ITSN1: variants seen among roughly 807,000 people sequenced by gnomAD.
ITSN1 encodes intersectin-1.
A neutral mutation model predicts 239.8 loss-of-function variants in ITSN1; 58 were observed. That is an observed-to-expected ratio of 0.24 (90% CI 0.20 to 0.30). ITSN1 has a LOEUF of 0.30. ITSN1 is among the 10% of genes least tolerant of loss of function. The pLI is 1.00. For synonymous variants in ITSN1, 780 were observed against 770.8 expected, an observed-to-expected ratio of 1.01 and a Z score of -0.20; for missense variants, 1,558 against 2,103.3, an observed-to-expected ratio of 0.74 and a Z score of 5.07.
chr21:33,837,865 C>T lies in ITSN1; in HGVS notation c.3661+1233C>T, dbSNP rs2148416375. The T allele has an allele frequency of 3.0e-6, 3 of 985,854 alleles. No individual in the cohort carries two copies. In the South Asian group the frequency reaches 1.4e-4, roughly 46 times the overall value. 61.1% of individuals were successfully genotyped at this position (985,854 alleles called of 1,614,324 possible). A position where few individuals can be genotyped will look rare whatever the true frequency, so the allele number is the denominator to read the frequency against. On this transcript the variant is annotated intron_variant, in intron 29 of 39. Transcript: ENST00000381318. ...TTTGCGTGTTTGCATAGCATAAAATCAGTAGACAACACCACTGAGGTCGTT... is the reference window on the plus strand; with the variant it reads ...TTTGCGTGTTTGCATAGCATAAAATTAGTAGACAACACCACTGAGGTCGTT...
chr21:33,643,067 C>G (rs1024575156), intron 1 of ITSN1, among the ~76,000 whole-genome samples: 30 of 150,386 alleles, frequency 2.0e-4, no homozygotes, highest in African/African-American at 7.3e-4. Flanking sequence ...CCCCGGGCGG[C>G]CGCTCCTTCC....
intron 20 of ITSN1, 144 bp downstream of exon 20, chr21:33,802,588 C>CT (rs979916309): frequency 8.4e-5 from 59 of 700,594 alleles, no homozygotes; most frequent in Non-Finnish European, 1.2e-4. Flanking sequence ...GTAGGTTGTG[C>CT]TTTTTAAAAA....
intron 20 of ITSN1, among the ~76,000 whole-genome samples, chr21:33,803,370 G>A (rs1242071859): frequency 6.6e-6 from 1 of 152,118 alleles, no homozygotes; most frequent in East Asian, 1.9e-4. Flanking sequence ...ACAAATATGT[G>A]TGTACATGGA....
intron 1 of ITSN1, among the ~76,000 whole-genome samples, chr21:33,693,429 T>C (rs780267680): frequency 6.6e-6 from 1 of 151,796 alleles, no homozygotes; most frequent in Non-Finnish European, 1.5e-5. Flanking sequence ...TGATCTCGGC[T>C]CACTGCAACC....
chr21:33,849,603 A>G (rs2148456489), intron 29 of ITSN1, among the ~76,000 whole-genome samples: 1 of 151,866 alleles, frequency 6.6e-6, no homozygotes, highest in African/African-American at 2.4e-5. Flanking sequence ...ATTTGATACC[A>G]CAACAGAGCA....
intron 1 of ITSN1, among the ~76,000 whole-genome samples, chr21:33,673,759 G>T (rs1171465142): frequency 6.6e-6 from 1 of 152,182 alleles, no homozygotes; most frequent in African/African-American, 2.4e-5. Context: ...ACCAGCTCAG[G>T]ACCTGGCTCA....
rs754605985 is a variant in ITSN1, at chr21:33,823,548, G to A, written c.3078G>A (p.Gly1026=). ...AAGGAGATTTAACCTTTCAGCAAGGGGATGTGATTTTGGTTACCAAGAAAG... is the reference window on the plus strand; with the variant it reads ...AAGGAGATTTAACCTTTCAGCAAGGAGATGTGATTTTGGTTACCAAGAAAG... ...SEQGDLTFQQ[G]DVILVTKKDG... is the part of the protein sequence containing the mutation. Residue 1026 remains glycine, a synonymous_variant, in exon 25 of 40, where the codon GGG becomes GGA. Coordinates refer to ENST00000381318, the MANE Select transcript of ITSN1 (RefSeq NM_003024.3). The A allele has an allele frequency of 5.6e-6, 9 of 1,614,110 alleles. No individual in the cohort carries two copies. In the South Asian group the frequency reaches 8.8e-5, roughly 16 times the overall value.
chr21:33,876,759 A>G (rs9978864), intron 34 of ITSN1, among the ~76,000 whole-genome samples: 89,123 of 151,940 alleles, frequency 0.59, 27,118 homozygotes, highest in African/African-American at 0.76. Context: ...AGCTGGGTGC[A>G]GTGGTTCACA....
chr21:33,876,173 CT>C (rs1983820823), intron 34 of ITSN1, among the ~76,000 whole-genome samples: 8 of 132,724 alleles, frequency 6.0e-5, no homozygotes, highest in African/African-American at 2.3e-4. Context: ...CTCTTTCTTT[CT>C]TTCCTTCCTT....
At chr21:33,701,999 C>T (rs574304075) in intron 1 of ITSN1, among the ~76,000 whole-genome samples, 1 of 150,496 alleles carries the variant, frequency 6.6e-6, no homozygotes, top group East Asian at 2.0e-4. Flanking sequence ...ACCTGGAGGG[C>T]GGATGTTGCA....
chr21:33,755,388 C>G lies in ITSN1; in HGVS notation c.715C>G (p.His239Asp). The change falls in exon 8 of 40, where the codon CAC becomes GAC. Residue 239 changes from histidine (H) to aspartate (D), a missense_variant. His to Asp is a moderately conservative substitution (Grantham distance 81, BLOSUM62 -1). Transcript: ENST00000381318. ...TAGTCATGACAAAACTATGAGTGGACACTTAACAGGTATTTACAAATAAAA... is the reference window on the plus strand; with the variant it reads ...TAGTCATGACAAAACTATGAGTGGAGACTTAACAGGTATTTACAAATAAAA... ...FNSHDKTMSG[H>D]LTGPQARTIL... 6.5e-7 allele frequency: 1 copy of G among 1,536,528 alleles called. No homozygotes were observed. The highest frequency in any genetic ancestry group is 9.0e-7 in the Non-Finnish European group (1 of 1,115,028).
chr21:33,753,759 C>CT (rs1374621815), intron 7 of ITSN1, among the ~76,000 whole-genome samples: 2 of 49,544 alleles, frequency 4.0e-5, no homozygotes, highest in Non-Finnish European at 6.6e-5. Flanking sequence ...AAGTCTCTTT[C>CT]TTAAAAAAAA....
intron 5 of ITSN1, among the ~76,000 whole-genome samples, chr21:33,747,020 G>A (rs1387847202): frequency 6.6e-6 from 1 of 152,174 alleles, no homozygotes; most frequent in Non-Finnish European, 1.5e-5. Context: ...TGGGCGTGGT[G>A]GCAGATGCCT....
At chr21:33,818,227 C>T (rs1197210513) in intron 22 of ITSN1, 40 bp from the exon 23 acceptor site, 8 of 1,553,460 alleles carry the variant, frequency 5.1e-6, no homozygotes, top group Non-Finnish European at 4.4e-6. Context: ...GATAACAAAG[C>T]GCAACATAAC....
Position 33,853,923 on chromosome 21 carries a change from C to T in ITSN1, c.3662-2813C>T, listed in dbSNP as rs1388230104. On this transcript the variant is annotated intron_variant, in intron 29 of 39. Transcript: ENST00000381318. ...TCAGCGGAGGGTGGGGCAGTAGCACCGCCTGCTGAGGACCACCAGTCCCCC... is the reference window on the plus strand; with the variant it reads ...TCAGCGGAGGGTGGGGCAGTAGCACTGCCTGCTGAGGACCACCAGTCCCCC... Among the ~76,000 whole-genome samples, 5 of 152,154 alleles carry T rather than the reference C, an allele frequency of 3.3e-5. No individual in the cohort carries two copies. In the South Asian group the frequency reaches 6.2e-4, roughly 19 times the overall value.
chr21:33,802,480 T>C, intron 20 of ITSN1, 36 bp downstream of exon 20: 1 of 1,608,972 alleles, frequency 6.2e-7, no homozygotes. Context: ...GTCTGCATCT[T>C]ATTCAATGTT....
At chr21:33,708,452 G>C (rs1055509615) in intron 1 of ITSN1, among the ~76,000 whole-genome samples, 10 of 151,796 alleles carry the variant, frequency 6.6e-5, no homozygotes, top group African/African-American at 2.2e-4. Flanking sequence ...GCAATGGCGC[G>C]ATCTCGGCTC....
chr21:33,774,066 C>T (rs967986615), intron 12 of ITSN1, among the ~76,000 whole-genome samples: 9 of 151,950 alleles, frequency 5.9e-5, no homozygotes, highest in Admixed American at 2.6e-4. Flanking sequence ...TTCAACGTAC[C>T]AAAAAAATGA....
At chr21:33,660,041 G>A (rs938702770) in intron 1 of ITSN1, among the ~76,000 whole-genome samples, 2 of 152,140 alleles carry the variant, frequency 1.3e-5, no homozygotes, top group African/African-American at 4.8e-5. Context: ...TCGGTGGCTT[G>A]ATTCTGTCAA....
Sources: gnomAD v4.1 joint callset for allele counts (sites outside exome capture counted in the v4.1 genomes callset) on GRCh38, gnomAD v4.1.1 for gene constraint, MANE v1.5 for transcripts, NCBI Gene and HGNC (gene_info 2026-07-23, HGNC 2026-07-21) for gene names.